Variants in HS6ST3 observed in about 807,000 individuals in gnomAD.
HS6ST3 encodes the protein heparan sulfate 6-O-sulfotransferase 3, also known as heparan-sulfate 6-O-sulfotransferase 3.
HS6ST3 carries 12 observed loss-of-function variants against 36.7 expected under a neutral mutation model. That is an observed-to-expected ratio of 0.33 (90% CI 0.21 to 0.53). HS6ST3 has a LOEUF of 0.53. Ranked by LOEUF, HS6ST3 falls within the 20% of genes least tolerant of loss-of-function variation. HS6ST3 has a pLI of 0.95. For missense variants in HS6ST3, 584 were observed against 640.9 expected, an observed-to-expected ratio of 0.91 and a Z score of 0.96; for synonymous variants, 240 against 257.5, an observed-to-expected ratio of 0.93 and a Z score of 0.65.
At chr13:96,144,168 T>G (rs1385226383) in intron 1 of HS6ST3, among the ~76,000 whole-genome samples, 3 of 152,154 alleles carry the variant, frequency 2.0e-5, no homozygotes. Context: ...TTTGGCAGAG[T>G]TATGAGAATT....
chr13:96,280,210 T>C (rs1009364446), intron 1 of HS6ST3, among the ~76,000 whole-genome samples: 17 of 152,196 alleles, frequency 1.1e-4, no homozygotes, highest in Admixed American at 1.1e-3. Flanking sequence ...GTCTCTTACC[T>C]GGTGGTTAAT....
intron 1 of HS6ST3, among the ~76,000 whole-genome samples, chr13:96,647,893 T>C (rs1375918213): frequency 6.6e-6 from 1 of 152,040 alleles, no homozygotes; most frequent in Non-Finnish European, 1.5e-5. Flanking sequence ...ATTTCTTCAT[T>C]TGGAAATCTT....
chr13:96,258,847 T>C (rs1159025524), intron 1 of HS6ST3, among the ~76,000 whole-genome samples: 1 of 152,196 alleles, frequency 6.6e-6, no homozygotes, highest in Non-Finnish European at 1.5e-5. Context: ...GAACGTAGCA[T>C]GATCTCTTCC....
chr13:96,580,423 T>C (rs1342429584), intron 1 of HS6ST3, among the ~76,000 whole-genome samples: 1 of 151,334 alleles, frequency 6.6e-6, no homozygotes, highest in Non-Finnish European at 1.5e-5. Context: ...TTGTACCTTA[T>C]AGATGAGTTC....
intron 1 of HS6ST3, among the ~76,000 whole-genome samples, chr13:96,724,511 T>G (rs1875949798): frequency 6.6e-6 from 1 of 152,228 alleles, no homozygotes; most frequent in African/African-American, 2.4e-5. Flanking sequence ...CCTTTTGTGA[T>G]TTCTTCTGTT....
intron 1 of HS6ST3, among the ~76,000 whole-genome samples, chr13:96,413,024 C>G (rs1054192937): frequency 6.6e-6 from 1 of 152,094 alleles, no homozygotes; most frequent in Admixed American, 6.5e-5. Flanking sequence ...TACTTTCTAT[C>G]TACTCCCAAG....
intron 1 of HS6ST3, among the ~76,000 whole-genome samples, chr13:96,350,579 G>T (rs2055176752): frequency 6.6e-6 from 1 of 152,204 alleles, no homozygotes; most frequent in Admixed American, 6.5e-5. Flanking sequence ...CATTTTGCCT[G>T]CAGTATAAGG....
chr13:96,720,270 C>CTT (rs1875810100), intron 1 of HS6ST3, among the ~76,000 whole-genome samples: 2 of 152,150 alleles, frequency 1.3e-5, no homozygotes, highest in African/African-American at 4.8e-5. Context: ...TCTACAAGAC[C>CTT]ATGACCATCT....
At chr13:96,694,094 C>T (rs1875054415) in intron 1 of HS6ST3, among the ~76,000 whole-genome samples, 1 of 152,032 alleles carries the variant, frequency 6.6e-6, no homozygotes, top group Admixed American at 6.6e-5. Flanking sequence ...TGGGGGTTTT[C>T]TGCCCAGATT....
At chr13:96,583,161 C>G (rs1007853415) in intron 1 of HS6ST3, among the ~76,000 whole-genome samples, 2 of 144,984 alleles carry the variant, frequency 1.4e-5, no homozygotes, top group African/African-American at 2.6e-5. Flanking sequence ...TATGTCATTT[C>G]CTTGCTTAAA....
At chr13:96,608,395 A>G (rs1016586992) in intron 1 of HS6ST3, among the ~76,000 whole-genome samples, 2 of 152,248 alleles carry the variant, frequency 1.3e-5, no homozygotes, top group Non-Finnish European at 2.9e-5. Context: ...CATAACACAG[A>G]TGACCGGATA....
At chr13:96,758,622 G>C (rs1876890337) in intron 1 of HS6ST3, among the ~76,000 whole-genome samples, 3 of 151,588 alleles carry the variant, frequency 2.0e-5, no homozygotes, top group African/African-American at 4.8e-5. Context: ...TATTTTTCTT[G>C]ACTCATGAAT....
At chr13:96,673,753 TG>T (rs1181805913) in intron 1 of HS6ST3, among the ~76,000 whole-genome samples, 1 of 152,148 alleles carries the variant, frequency 6.6e-6, no homozygotes, top group Non-Finnish European at 1.5e-5. Flanking sequence ...ACCCTTCTGC[TG>T]ATATTAAAAT....
chr13:96,447,765 T>A (rs1454910514), intron 1 of HS6ST3, among the ~76,000 whole-genome samples: 2 of 152,210 alleles, frequency 1.3e-5, no homozygotes, highest in Non-Finnish European at 2.9e-5. Context: ...CACCTCCTCA[T>A]ATAACTGGCT....
chr13:96,178,033 T>C (rs1323794078), intron 1 of HS6ST3, among the ~76,000 whole-genome samples: 2 of 152,150 alleles, frequency 1.3e-5, no homozygotes, highest in African/African-American at 4.8e-5. Flanking sequence ...GGGGAGGCCT[T>C]ATCTTTTAGA....
intron 1 of HS6ST3, among the ~76,000 whole-genome samples, chr13:96,380,326 T>C (rs1454575353): frequency 6.6e-6 from 1 of 150,402 alleles, no homozygotes; most frequent in Non-Finnish European, 1.5e-5. Flanking sequence ...AGTGCAATGG[T>C]GGGATATCTG....
chr13:96,160,151 C>T (rs985100834), intron 1 of HS6ST3, among the ~76,000 whole-genome samples: 5 of 152,094 alleles, frequency 3.3e-5, no homozygotes, highest in Non-Finnish European at 5.9e-5. Flanking sequence ...GTGAGGTTTT[C>T]GTAGAAGCAT....
chr13:96,739,036 C>T lies in HS6ST3; in HGVS notation c.708-93454C>T, dbSNP rs61968179. On this transcript the variant is annotated intron_variant, in intron 1 of 1. Transcript: ENST00000376705. ...ATTTAGCAGCATTAAACGCAACTGT[C>T]ATGCCTTCTTGCAATGTTTTTCTTC... Among the ~76,000 whole-genome samples, 1,225 of 152,306 alleles carry T rather than the reference C, an allele frequency of 8.0e-3. 9 individuals carry two copies. The highest frequency in any genetic ancestry group is 0.017 in the Middle Eastern group (5 of 294).
At chr13:96,628,931 A>G (rs1056965190) in intron 1 of HS6ST3, among the ~76,000 whole-genome samples, 9 of 151,904 alleles carry the variant, frequency 5.9e-5, no homozygotes, top group African/African-American at 1.7e-4. Context: ...TGTCTACTCT[A>G]TCTCTTTAAA....
Sources: gnomAD v4.1 joint callset for allele counts (sites outside exome capture counted in the v4.1 genomes callset) on GRCh38, gnomAD v4.1.1 for gene constraint, MANE v1.5 for transcripts, NCBI Gene and HGNC (gene_info 2026-07-23, HGNC 2026-07-21) for gene names.